RBMS3: variants seen among roughly 807,000 people sequenced by gnomAD.
RBMS3 encodes the protein RNA binding motif single stranded interacting protein 3.
RBMS3 carries 27 observed loss-of-function variants against 66.8 expected under a neutral mutation model. The observed-to-expected ratio is 0.40, with a 90% CI of 0.30 to 0.56. The LOEUF is 0.56. Among genes scored for constraint, RBMS3 ranks in the 20% least tolerant of loss-of-function variants. RBMS3 has a pLI of 0.40. For missense variants in RBMS3, 513 were observed against 549.5 expected, an observed-to-expected ratio of 0.93 and a Z score of 0.66; for synonymous variants, 188 against 183.0, an observed-to-expected ratio of 1.03 and a Z score of -0.22.
intron 3 of RBMS3, among the ~76,000 whole-genome samples, chr3:29,562,208 C>G (rs1370113709): frequency 6.6e-6 from 1 of 152,078 alleles, no homozygotes; most frequent in Non-Finnish European, 1.5e-5. Flanking sequence ...TAGAATTTAG[C>G]GTGGCTGGAT....
intron 4 of RBMS3, among the ~76,000 whole-genome samples, chr3:29,684,586 T>C (rs965919654): frequency 1.3e-5 from 2 of 152,230 alleles, no homozygotes; most frequent in Non-Finnish European, 2.9e-5. Flanking sequence ...AGCATTGTTT[T>C]GTTAGTTTTC....
At chr3:29,782,139 G>C (rs918474795) in intron 6 of RBMS3, among the ~76,000 whole-genome samples, 1 of 152,030 alleles carries the variant, frequency 6.6e-6, no homozygotes, top group Non-Finnish European at 1.5e-5. Flanking sequence ...ACTTAACCAG[G>C]TGTCCCTAGG....
At chr3:29,548,455 AC>A (rs5847578) in intron 3 of RBMS3, among the ~76,000 whole-genome samples, 52,313 of 150,528 alleles carry the variant, frequency 0.35, 9,538 homozygotes, top group Middle Eastern at 0.51. Context: ...CAAACAAAAA[AC>A]AAAACGACGT....
chr3:29,828,981 TCTTTCTTTCTTTC>T (rs2058282812), intron 6 of RBMS3, among the ~76,000 whole-genome samples: 2 of 10,580 alleles, frequency 1.9e-4, no homozygotes, highest in Admixed American at 1.8e-3. Flanking sequence ...CGAGTGACTT[TCTTTCTTTCTTTC>T]TTTCTTTCTT....
intron 1 of RBMS3, among the ~76,000 whole-genome samples, chr3:29,419,043 G>A (rs905791634): frequency 6.6e-6 from 1 of 152,098 alleles, no homozygotes; most frequent in African/African-American, 2.4e-5. Context: ...AAAGAATACA[G>A]TTTACAGTAA....
At chr3:29,983,678 T>G (rs191217169) in intron 12 of RBMS3, among the ~76,000 whole-genome samples, 2 of 152,336 alleles carry the variant, frequency 1.3e-5, no homozygotes, top group East Asian at 3.9e-4. Context: ...TTATGAAGCT[T>G]AGTTTGGCTG....
At chr3:29,424,689 C>T (rs2040875620) in intron 1 of RBMS3, among the ~76,000 whole-genome samples, 1 of 152,124 alleles carries the variant, frequency 6.6e-6, no homozygotes, top group Non-Finnish European at 1.5e-5. Context: ...AAACCTGATA[C>T]TATTTTGTGT....
At chr3:29,819,953 G>C (rs1343807764) in intron 6 of RBMS3, among the ~76,000 whole-genome samples, 1 of 152,046 alleles carries the variant, frequency 6.6e-6, no homozygotes, top group Non-Finnish European at 1.5e-5. Context: ...CCAGCACTTT[G>C]GAAGGCCAGT....
intron 10 of RBMS3, among the ~76,000 whole-genome samples, chr3:29,923,043 C>G (rs536204423): frequency 1.3e-4 from 20 of 152,326 alleles, no homozygotes; most frequent in Non-Finnish European, 2.2e-4. Context: ...ATCCCTTAAT[C>G]TAGGGATTAC....
intron 6 of RBMS3, among the ~76,000 whole-genome samples, chr3:29,841,411 A>G (rs1333616692): frequency 6.6e-6 from 1 of 152,038 alleles, no homozygotes; most frequent in Non-Finnish European, 1.5e-5. Context: ...AGAGGAATTG[A>G]ATAAACAAAA....
chr3:29,494,079 T>C (rs1199396124), intron 3 of RBMS3, among the ~76,000 whole-genome samples: 1 of 152,228 alleles, frequency 6.6e-6, no homozygotes. Flanking sequence ...TGATAGTAAT[T>C]CAATTCTTCA....
intron 6 of RBMS3, among the ~76,000 whole-genome samples, chr3:29,811,765 A>T (rs1299634298): frequency 6.6e-6 from 1 of 152,150 alleles, no homozygotes; most frequent in African/African-American, 2.4e-5. Context: ...TCTTTTGTCC[A>T]TTAGGATAAA....
At chr3:29,659,407 T>G (rs1000906397) in intron 4 of RBMS3, among the ~76,000 whole-genome samples, 10 of 152,122 alleles carry the variant, frequency 6.6e-5, no homozygotes, top group Non-Finnish European at 1.2e-4. Flanking sequence ...CCCCAGTCAC[T>G]GGCAACAGCC....
intron 4 of RBMS3, chr3:29,696,906 T>C (rs767476858): frequency 2.1e-6 from 2 of 957,344 alleles, no homozygotes; most frequent in East Asian, 1.2e-4. Flanking sequence ...CAACCCCTGA[T>C]TGACTAGTAA....
At chr3:29,474,360 T>C (rs182238353) in intron 2 of RBMS3, among the ~76,000 whole-genome samples, 109 of 152,372 alleles carry the variant, frequency 7.2e-4, no homozygotes, top group African/African-American at 2.6e-3. Flanking sequence ...TTTCCAGTTT[T>C]AGGCTGCTGA....
At chr3:29,311,439 T>C (rs2034369935) in intron 1 of RBMS3, among the ~76,000 whole-genome samples, 1 of 151,596 alleles carries the variant, frequency 6.6e-6, no homozygotes, top group South Asian at 2.1e-4. Context: ...ACTGCCAGAT[T>C]GGTTGAAGAA....
Position 29,996,580 on chromosome 3 carries a change from AG to A in RBMS3, c.1307+5372del, listed in dbSNP as rs1352617621. Among the ~76,000 whole-genome samples, 278 of 150,238 alleles carry A rather than the reference AG, an allele frequency of 1.9e-3. 2 individuals are homozygous for A. The highest frequency in any genetic ancestry group is 6.5e-3 in the African/African-American group (266 of 40,958). ...TATAACAAACTATCTCTCAGACCAC[AG>A]TGCAATCAAACTAGAACTCAGGATT... On this transcript the variant is annotated intron_variant, in intron 14 of 14. Coordinates refer to ENST00000383767, the MANE Select transcript of RBMS3 (RefSeq NM_001003793.3).
intron 1 of RBMS3, among the ~76,000 whole-genome samples, chr3:29,344,641 A>C (rs755128686): frequency 4.6e-5 from 7 of 152,150 alleles, no homozygotes; most frequent in Non-Finnish European, 1.0e-4. Flanking sequence ...TACCCTTAGA[A>C]AGGTGACTAT....
At chr3:29,955,191 C>G (rs147208095) in intron 12 of RBMS3, among the ~76,000 whole-genome samples, 5 of 152,062 alleles carry the variant, frequency 3.3e-5, no homozygotes, top group African/African-American at 7.2e-5. Flanking sequence ...TAAAATTTCT[C>G]TGACAGAAAT....
Sources: gnomAD v4.1 joint callset for allele counts (sites outside exome capture counted in the v4.1 genomes callset) on GRCh38, gnomAD v4.1.1 for gene constraint, MANE v1.5 for transcripts, NCBI Gene and HGNC (gene_info 2026-07-23, HGNC 2026-07-21) for gene names.